DNM1L: variants seen among roughly 807,000 people sequenced by gnomAD.
The protein encoded by DNM1L is dynamin-1-like protein.
DNM1L carries 33 observed loss-of-function variants against 92.8 expected under a neutral mutation model. The ratio of observed to expected loss-of-function variants is 0.36; its 90% CI spans 0.27 to 0.48. DNM1L has a LOEUF of 0.48. DNM1L is among the 20% of genes least tolerant of loss of function. The pLI is 0.99. For synonymous variants in DNM1L, 284 were observed against 305.0 expected, an observed-to-expected ratio of 0.93 and a Z score of 0.72; for missense variants, 485 against 888.8, an observed-to-expected ratio of 0.55 and a Z score of 5.78.
At chr12:32,714,018 T>TGTA (rs749353265) in intron 6 of DNM1L, among the ~76,000 whole-genome samples, 2 of 152,112 alleles carry the variant, frequency 1.3e-5, no homozygotes, top group Non-Finnish European at 2.9e-5. Flanking sequence ...TGACTAATGA[T>TGTA]GTAGTGCACA....
intron 6 of DNM1L, among the ~76,000 whole-genome samples, chr12:32,713,983 G>T (rs2137377070): frequency 6.6e-6 from 1 of 152,294 alleles, no homozygotes; most frequent in East Asian, 1.9e-4. Context: ...CCAAGGATTA[G>T]TTCATACTGT....
intron 2 of DNM1L, chr12:32,706,873 AC>A: frequency 3.0e-6 from 1 of 335,374 alleles, no homozygotes; most frequent in South Asian, 2.6e-5. Context: ...TTTCATTGAC[AC>A]ATTGTAAAAT....
intron 14 of DNM1L, 75 bp downstream of exon 14, chr12:32,737,236 A>G: frequency 1.3e-6 from 2 of 1,496,076 alleles, no homozygotes; most frequent in Non-Finnish European, 1.8e-6. Flanking sequence ...ACTCAGTCCT[A>G]GGAGTAATTT....
At chr12:32,728,339 T>G (rs915895426) in intron 9 of DNM1L, 1 of 152,200 alleles carries the variant, frequency 6.6e-6, no homozygotes, top group Non-Finnish European at 1.5e-5. Flanking sequence ...GTACGGCATA[T>G]TGAGAAAAAT....
chr12:32,745,614 T>A lies in DNM1L; in HGVS notation c.*2204T>A, dbSNP rs1324149230. On this transcript the variant is annotated 3_prime_UTR_variant, in exon 20 of 20. Coordinates refer to ENST00000549701, the MANE Select transcript of DNM1L (RefSeq NM_012062.5). ...AGAAAGGGAGACAAAAGGAGCTTTT[T>A]AATACCTAATCTACTTTGGAACATA... 5 of 152,446 alleles carry A rather than the reference T, an allele frequency of 3.3e-5. No homozygotes were observed. The highest frequency in any genetic ancestry group is 7.3e-5 in the Non-Finnish European group (5 of 68,232). 9.4% of individuals were successfully genotyped at this position (152,446 alleles called of 1,614,324 possible).
Position 32,731,189 on chromosome 12 carries a change from T to A in DNM1L, c.1200+55T>A. The A allele has an allele frequency of 3.7e-6, 6 of 1,610,052 alleles. No homozygotes were observed. The South Asian group carries it at 5.5e-5, about 15-fold the overall frequency. ...AAAAAAATGAGGTTAAAGTTTTTCT[T>A]ACCCATATACTGTGTCTTTTTAAAT... On this transcript the variant is annotated intron_variant, in intron 10 of 19. Transcript: ENST00000549701. This position sits in a 1 kb window ranked among gnomAD's most constrained non-coding sequence, Gnocchi z 5.1.
chr12:32,687,594 C>T (rs11052173), intron 1 of DNM1L, among the ~76,000 whole-genome samples: 21,483 of 152,032 alleles, frequency 0.14, 1,569 homozygotes, highest in Middle Eastern at 0.19. Context: ...AGTCACCTGC[C>T]ATCACGCCGG....
intron 9 of DNM1L, among the ~76,000 whole-genome samples, chr12:32,729,494 T>G (rs1218354779): frequency 6.6e-6 from 1 of 152,192 alleles, no homozygotes; most frequent in Non-Finnish European, 1.5e-5. Context: ...CTCACTTTAT[T>G]GCCGAGGCTG....
chr12:32,705,732 G>C lies in DNM1L; in HGVS notation c.251-1635G>C. ...TGAATGCTATGTGCATTTGAAATGT[G>C]ATCAGGTTTCTGCACATTTGAATTT... On this transcript the variant is annotated intron_variant, in intron 2 of 19. Coordinates refer to ENST00000549701, the MANE Select transcript of DNM1L (RefSeq NM_012062.5). 3 of 1,139,998 alleles carry C rather than the reference G, an allele frequency of 2.6e-6. No homozygotes were observed. The South Asian group carries it at 4.0e-5, about 15-fold the overall frequency. 70.6% of individuals were successfully genotyped at this position (1,139,998 alleles called of 1,614,324 possible).
At chr12:32,724,616 ATATAAATTAT>A (rs1954006960) in intron 9 of DNM1L, among the ~76,000 whole-genome samples, 1 of 139,116 alleles carries the variant, frequency 7.2e-6, no homozygotes, top group African/African-American at 2.7e-5. Context: ...ATATATATAT[ATATAAATTAT>A]ATTAATTAAA....
At position 32,720,644 on chromosome 12, in the gene DNM1L, C is replaced by T. The variant is rs374168656; in HGVS notation, c.741-20C>T. The T allele has an allele frequency of 2.1e-5, 34 of 1,613,296 alleles. No individual in the cohort carries two copies. The African/African-American group carries it at 2.9e-4, about 14-fold the overall frequency. ...GGACAACAGTTAAGCTGAATAGTTT[C>T]GTTATTTTTTCAACCTCAGGAGCCA... On this transcript the variant is annotated intron_variant, in intron 7 of 19. Coordinates refer to ENST00000549701, the MANE Select transcript of DNM1L (RefSeq NM_012062.5).
chr12:32,737,966 G>A, intron 15 of DNM1L, 24 bp downstream of exon 15: 2 of 1,608,352 alleles, frequency 1.2e-6, no homozygotes, highest in Non-Finnish European at 1.7e-6. Context: ...CTTAATCTAA[G>A]CCTGCATGCC....
In DNM1L at chr12:32,743,915, G is replaced by GT. The variant is rs1405988966; in HGVS notation, c.*511dup. 1.3e-5 allele frequency: 2 copies of GT among 157,926 alleles called. No homozygotes were observed. Among genetic ancestry groups the GT allele is most frequent in the East Asian group, 3.6e-4 (2 of 5,564 alleles). The allele number at this position is 157,926 out of a possible 1,614,324, so 9.8% of individuals were successfully genotyped here. On this transcript the variant is annotated 3_prime_UTR_variant, in exon 20 of 20. Coordinates refer to ENST00000549701, the MANE Select transcript of DNM1L (RefSeq NM_012062.5). ...TGTATTCCACCTGTCCTTCAATTTAGTTTTTTCTGAGCTTCTTTGCAGCCT... is the reference window on the plus strand; with the variant it reads ...TGTATTCCACCTGTCCTTCAATTTAGTTTTTTTCTGAGCTTCTTTGCAGCCT...
At chr12:32,724,388 C>T (rs1953964287) in intron 9 of DNM1L, among the ~76,000 whole-genome samples, 1 of 151,296 alleles carries the variant, frequency 6.6e-6, no homozygotes, top group African/African-American at 2.4e-5. Flanking sequence ...CCATCCTGGC[C>T]AATATGGTGA....
Position 32,707,376 on chromosome 12 carries a change from C to T in DNM1L, c.260C>T (p.Ala87Val). The change falls in exon 3 of 20, where the codon GCA becomes GTA. Residue 87 changes from alanine (A) to valine (V), a missense_variant. Coordinates refer to ENST00000549701, the MANE Select transcript of DNM1L (RefSeq NM_012062.5). ...TTTTTCTTTTTTCCAGGGGTGGAAG[C>T]AGAAGAATGGGGTAAATTTCTTCAC... ...KTTGEENGVE[A>V]EEWGKFLHTK... 6.2e-7 allele frequency: 1 copy of T among 1,605,666 alleles called. No homozygotes were observed. Among genetic ancestry groups the T allele is most frequent in the Non-Finnish European group, 8.5e-7 (1 of 1,176,234 alleles).
At chr12:32,739,058 A>T (rs927129055) in intron 16 of DNM1L, among the ~76,000 whole-genome samples, 1 of 152,178 alleles carries the variant, frequency 6.6e-6, no homozygotes, top group African/African-American at 2.4e-5. Context: ...TATAGTTAAC[A>T]AACATTTAAA....
At chr12:32,722,934 G>T (rs1021592685) in intron 9 of DNM1L, among the ~76,000 whole-genome samples, 3 of 151,126 alleles carry the variant, frequency 2.0e-5, no homozygotes, top group Non-Finnish European at 2.9e-5. Context: ...AAATAATTTA[G>T]CTTTTAAAGT....
Position 32,733,763 on chromosome 12 carries a change from C to T in DNM1L, c.1495C>T (p.Pro499Ser). 1 of 1,613,910 alleles carries T rather than the reference C, an allele frequency of 6.2e-7. No individual in the cohort carries two copies. The highest frequency in any genetic ancestry group is 8.5e-7 in the Non-Finnish European group (1 of 1,179,930). ...IELAYINTKH[P>S]DFADACGLMN... ...ACTGGCTTATATCAACACAAAACAT[C>T]CAGACTTTGCTGATGCTTGTGGGCT... Residue 499 changes from proline to serine, a missense_variant, in exon 13 of 20, where the codon CCA becomes TCA. This residue lies in a region of DNM1L where 28 missense variants were observed against 65.1 expected (regional missense o/e 0.43). Coordinates refer to ENST00000549701, the MANE Select transcript of DNM1L (RefSeq NM_012062.5).
rs12322195 is a variant in DNM1L at position 32,685,021 on chromosome 12, G to C, written c.102+5556G>C. ...GTGGCGTGATCTTGGCTCACCGCAA[G>C]CTCCGCCTCCCGGGTTTACGCCGTT... is the stretch of plus-strand genomic sequence containing the variant. On this transcript the variant is annotated intron_variant, in intron 1 of 19. Coordinates refer to ENST00000549701, the MANE Select transcript of DNM1L (RefSeq NM_012062.5). Among the ~76,000 whole-genome samples the C allele has an allele frequency of 2.8e-3, 416 of 149,966 alleles. 4 individuals are homozygous for C. Among genetic ancestry groups the C allele is most frequent in the African/African-American group, 9.7e-3 (394 of 40,652 alleles).
Sources: gnomAD v4.1 joint callset for allele counts (sites outside exome capture counted in the v4.1 genomes callset) on GRCh38, gnomAD v4.1.1 for gene constraint, gnomAD v4.1.1 regional missense constraint, Gnocchi (gnomAD v3.1) non-coding constraint, MANE v1.5 for transcripts, NCBI Gene and HGNC (gene_info 2026-07-23, HGNC 2026-07-21) for gene names.